SRGAP1: variants seen among roughly 807,000 people sequenced by gnomAD.
SRGAP1 encodes SLIT-ROBO Rho GTPase-activating protein 1.
In SRGAP1, 43 loss-of-function variants were observed where a neutral mutation model predicts 121.9. The observed-to-expected ratio is 0.35, with a 90% CI of 0.28 to 0.46. The LOEUF is 0.46. Ranked by LOEUF, SRGAP1 falls within the 20% of genes least tolerant of loss-of-function variation. SRGAP1 has a pLI of 1.00. For synonymous variants in SRGAP1, 447 were observed against 485.4 expected, an observed-to-expected ratio of 0.92 and a Z score of 1.04; for missense variants, 1,102 against 1,350.9, an observed-to-expected ratio of 0.82 and a Z score of 2.89.
intron 2 of SRGAP1, among the ~76,000 whole-genome samples, chr12:63,987,440 G>C (rs2033446576): frequency 6.6e-6 from 1 of 152,084 alleles, no homozygotes; most frequent in Non-Finnish European, 1.5e-5. Flanking sequence ...AAGATACAAA[G>C]GGTCGGGTGC....
chr12:63,894,874 A>T (rs532182243), intron 1 of SRGAP1, among the ~76,000 whole-genome samples: 9 of 152,256 alleles, frequency 5.9e-5, no homozygotes, highest in African/African-American at 1.9e-4. Flanking sequence ...TCTATCATTG[A>T]TGGACATTTG....
chr12:64,072,398 G>A (rs987797761), intron 8 of SRGAP1, among the ~76,000 whole-genome samples: 5 of 151,974 alleles, frequency 3.3e-5, no homozygotes, highest in African/African-American at 4.8e-5. Flanking sequence ...ATTTGTGTCC[G>A]CCCTGAAAAT....
At chr12:64,088,392 AAAAG>A (rs1478510843) in intron 11 of SRGAP1, among the ~76,000 whole-genome samples, 1 of 152,232 alleles carries the variant, frequency 6.6e-6, no homozygotes, top group Non-Finnish European at 1.5e-5. Flanking sequence ...GCACTTCAAA[AAAAG>A]AGATTTTTTT....
chr12:63,952,653 T>A (rs1048384462), intron 1 of SRGAP1, among the ~76,000 whole-genome samples: 1 of 152,160 alleles, frequency 6.6e-6, no homozygotes. Flanking sequence ...ATGATCAGCT[T>A]AGTGGGCCTC....
At chr12:63,948,658 A>G (rs571325974) in intron 1 of SRGAP1, among the ~76,000 whole-genome samples, 2 of 151,700 alleles carry the variant, frequency 1.3e-5, no homozygotes, top group Non-Finnish European at 2.9e-5. Context: ...TTATATATTC[A>G]TAGTTCCTTC....
chr12:63,885,070 T>A lies in SRGAP1; in HGVS notation c.67+40187T>A, dbSNP rs577540394. Reference sequence around the variant, plus strand: ...TCCACTAAAGTTTATGGAGGCTGTTTAGGAAAAACTCTCAAACTGTTTTTC... The same window carrying A: ...TCCACTAAAGTTTATGGAGGCTGTTAAGGAAAAACTCTCAAACTGTTTTTC... On this transcript the variant is annotated intron_variant, in intron 1 of 21. Coordinates refer to ENST00000355086, the MANE Select transcript of SRGAP1 (RefSeq NM_020762.4). 3.3e-5 allele frequency among the ~76,000 whole-genome samples: 5 copies of A among 152,208 alleles called. No individual in the cohort carries two copies. In the East Asian group the frequency reaches 9.7e-4, roughly 29 times the overall value.
At position 63,988,851 on chromosome 12, in the gene SRGAP1, C is replaced by T. The variant is rs912394415; in HGVS notation, c.264-1059C>T. On this transcript the variant is annotated intron_variant, in intron 2 of 21. Coordinates refer to ENST00000355086, the MANE Select transcript of SRGAP1 (RefSeq NM_020762.4). Reference sequence around the variant, plus strand: ...TTTGAGACAGAGTCTCGCCCTGTCGCCCAGGCTGGAGTGCAGTGGCACAAT... The same window carrying T: ...TTTGAGACAGAGTCTCGCCCTGTCGTCCAGGCTGGAGTGCAGTGGCACAAT... Among the ~76,000 whole-genome samples the T allele has an allele frequency of 3.9e-5, 6 of 152,216 alleles. No homozygotes were observed. The South Asian group carries it at 1.2e-3, about 31-fold the overall frequency.
chr12:63,942,036 G>A lies in SRGAP1; in HGVS notation c.68-41911G>A, dbSNP rs576311225. ...GTGTGTGCTAGTAATGATCTGAGGG[G>A]AACTCCTTTGAAGGAAGAACCTAAC... On this transcript the variant is annotated intron_variant, in intron 1 of 21. Transcript: ENST00000355086. Among the ~76,000 whole-genome samples, 19 of 152,166 alleles carry A rather than the reference G, an allele frequency of 1.2e-4. 1 individual carries two copies. The highest frequency in any genetic ancestry group is 4.3e-4 in the African/African-American group (18 of 41,512).
chr12:64,126,225 G>C (rs972061227), intron 19 of SRGAP1, 68 bp downstream of exon 19: 29 of 1,535,478 alleles, frequency 1.9e-5, no homozygotes, highest in Non-Finnish European at 2.6e-5. Flanking sequence ...TTCTTAAACT[G>C]ACCTTGGTCT....
intron 4 of SRGAP1, among the ~76,000 whole-genome samples, chr12:64,034,513 G>A (rs1236530514): frequency 6.6e-6 from 1 of 152,066 alleles, no homozygotes; most frequent in East Asian, 1.9e-4. Flanking sequence ...ACCTCTATTA[G>A]AAACAACAAT....
intron 1 of SRGAP1, among the ~76,000 whole-genome samples, chr12:63,877,481 A>T (rs1473229291): frequency 1.3e-5 from 2 of 152,222 alleles, no homozygotes; most frequent in Non-Finnish European, 2.9e-5. Flanking sequence ...GATGTGTCTT[A>T]GTCACATTTT....
intron 1 of SRGAP1, among the ~76,000 whole-genome samples, chr12:63,846,389 G>A (rs1244487286): frequency 6.6e-6 from 1 of 152,110 alleles, no homozygotes; most frequent in East Asian, 1.9e-4. Context: ...TTTCCACATG[G>A]CTCTTTGTGG....
At position 64,155,690 on chromosome 12, in the gene SRGAP1, C is replaced by T. The variant is rs954406804; in HGVS notation, c.*13018C>T. The T allele has an allele frequency of 6.6e-6, 1 of 151,928 alleles. No homozygotes were observed. Among genetic ancestry groups the T allele is most frequent in the African/African-American group, 2.4e-5 (1 of 41,364 alleles). The allele number at this position is 151,928 out of a possible 1,614,324, so 9.4% of individuals were successfully genotyped here. A position where few individuals can be genotyped will look rare whatever the true frequency, so the allele number is the denominator to read the frequency against. ...GGAGTGCAGTGGCGCGACCTCGGCT[C>T]ACCACGACCTCGGCTCACCGCAACC... On this transcript the variant is annotated 3_prime_UTR_variant, in exon 22 of 22. Transcript: ENST00000355086.
intron 1 of SRGAP1, among the ~76,000 whole-genome samples, chr12:63,972,348 A>G (rs1309763208): frequency 2.6e-5 from 4 of 152,216 alleles, no homozygotes; most frequent in Non-Finnish European, 4.4e-5. Context: ...TATGATATTC[A>G]ATGGATCTAA....
intron 3 of SRGAP1, among the ~76,000 whole-genome samples, chr12:63,996,983 G>C (rs1310344505): frequency 1.3e-5 from 2 of 151,996 alleles, no homozygotes; most frequent in Admixed American, 1.3e-4. Flanking sequence ...AATGCTCTCT[G>C]AATAGCAATT....
At chr12:63,907,988 C>T (rs2030301322) in intron 1 of SRGAP1, among the ~76,000 whole-genome samples, 1 of 152,110 alleles carries the variant, frequency 6.6e-6, no homozygotes, top group Admixed American at 6.6e-5. Context: ...ATCGTGCTAT[C>T]CCTGTTGAAA....
In SRGAP1 at chr12:64,142,715, G is replaced by C; in HGVS notation, c.*43G>C. 1 of 1,560,414 alleles carries C rather than the reference G, an allele frequency of 6.4e-7. No individual in the cohort carries two copies. The highest frequency in any genetic ancestry group is 8.7e-7 in the Non-Finnish European group (1 of 1,153,244). ...CCATAAAGGGAGGTGACTTAAAAAA[G>C]AAAATGGATTAGTGACAAAAGTCAC... On this transcript the variant is annotated 3_prime_UTR_variant, in exon 22 of 22. Coordinates refer to ENST00000355086, the MANE Select transcript of SRGAP1 (RefSeq NM_020762.4).
chr12:63,848,685 C>T, intron 1 of SRGAP1, among the ~76,000 whole-genome samples: 1 of 152,132 alleles, frequency 6.6e-6, no homozygotes, highest in South Asian at 2.1e-4. Flanking sequence ...GCTGGAAATA[C>T]AAGCGTGCAC....
intron 2 of SRGAP1, among the ~76,000 whole-genome samples, chr12:63,986,148 CTCTCT>C (rs1461876351): frequency 6.6e-6 from 1 of 151,446 alleles, no homozygotes; most frequent in East Asian, 1.9e-4. Context: ...TCTCTCTCTC[CTCTCT>C]TCTCTTTTTT....
Sources: gnomAD v4.1 joint callset for allele counts (sites outside exome capture counted in the v4.1 genomes callset) on GRCh38, gnomAD v4.1.1 for gene constraint, MANE v1.5 for transcripts, NCBI Gene and HGNC (gene_info 2026-07-23, HGNC 2026-07-21) for gene names.